The following LPP variants were observed in gnomAD, a reference collection of about 807,000 sequenced individuals.
LPP encodes the protein LIM domain containing preferred translocation partner in lipoma.
In LPP, 38 loss-of-function variants were observed where a neutral mutation model predicts 60.4. The observed-to-expected ratio is 0.63, with a 90% CI of 0.49 to 0.83. The LOEUF (loss-of-function observed/expected upper bound fraction) is 0.83, where lower values mean the gene tolerates loss of function less well. LPP is among the 40% of genes least tolerant of loss of function. The pLI is 0.00. For missense variants in LPP, 902 were observed against 783.6 expected (o/e 1.15, Z -1.80); for synonymous variants, 328 against 290.8 (o/e 1.13, Z -1.30).
chr3:188,765,627 A>G (rs1019948242), intron 9 of LPP, among the ~76,000 whole-genome samples: 1 of 152,194 alleles, frequency 6.6e-6, no homozygotes, highest in Admixed American at 6.5e-5. Flanking sequence ...AAATGACAAA[A>G]CAAAGACTAT....
At chr3:188,314,726 C>G (rs1039347068) in intron 2 of LPP, among the ~76,000 whole-genome samples, 1 of 152,072 alleles carries the variant, frequency 6.6e-6, no homozygotes, top group African/African-American at 2.4e-5. Flanking sequence ...GAGGCTGAGG[C>G]AGGAGGATCG....
At chr3:188,246,499 C>T (rs1226659344) in intron 2 of LPP, among the ~76,000 whole-genome samples, 1 of 152,150 alleles carries the variant, frequency 6.6e-6, no homozygotes, top group South Asian at 2.1e-4. Context: ...TTTCATTTCT[C>T]TTATCTGAAA....
intron 1 of LPP, among the ~76,000 whole-genome samples, chr3:188,192,874 G>C (rs1173906256): frequency 6.6e-6 from 1 of 152,228 alleles, no homozygotes; most frequent in Non-Finnish European, 1.5e-5. Flanking sequence ...GGCGTCGGCA[G>C]TGCTCCGGAA....
chr3:188,355,805 G>T (rs1202058795), intron 3 of LPP, among the ~76,000 whole-genome samples: 3 of 152,154 alleles, frequency 2.0e-5, no homozygotes, highest in Non-Finnish European at 4.4e-5. Flanking sequence ...CTATCAATGT[G>T]TCTCATAATG....
Position 188,589,809 on chromosome 3 carries a change from C to T in LPP, c.430-19352C>T, listed in dbSNP as rs946049274. Among the ~76,000 whole-genome samples, 5 of 152,006 alleles carry T rather than the reference C, an allele frequency of 3.3e-5. No homozygotes were observed. The East Asian group carries it at 9.6e-4, about 29-fold the overall frequency. ...TTATTATTACATTTTTAAAATAAAA[C>T]CTGTAGATTTATTTAAAAAGCATAT... On this transcript the variant is annotated intron_variant, in intron 6 of 11. Coordinates refer to ENST00000617246, the MANE Select transcript of LPP (RefSeq NM_001375462.1).
intron 7 of LPP, among the ~76,000 whole-genome samples, chr3:188,616,887 T>A (rs1344965161): frequency 6.6e-6 from 1 of 152,210 alleles, no homozygotes; most frequent in South Asian, 2.1e-4. Flanking sequence ...TAATCATTTG[T>A]TATTAGCATA....
intron 6 of LPP, among the ~76,000 whole-genome samples, chr3:188,579,680 C>G (rs1374174095): frequency 6.7e-6 from 1 of 148,794 alleles, no homozygotes; most frequent in Non-Finnish European, 1.5e-5. Flanking sequence ...CCCAGTGAGG[C>G]TGGGCACCGT....
intron 9 of LPP, among the ~76,000 whole-genome samples, chr3:188,852,135 G>A (rs1762810871): frequency 1.3e-5 from 2 of 152,192 alleles, no homozygotes; most frequent in South Asian, 4.1e-4. Flanking sequence ...CTGCACTCCA[G>A]TCTGGGGGAC....
intron 7 of LPP, among the ~76,000 whole-genome samples, chr3:188,661,122 G>C (rs1026949863): frequency 1.3e-5 from 2 of 152,156 alleles, no homozygotes; most frequent in African/African-American, 4.8e-5. Flanking sequence ...CCATTTTACT[G>C]AATAATATAC....
At chr3:188,213,365 T>C (rs1016504318) in intron 1 of LPP, among the ~76,000 whole-genome samples, 5 of 152,152 alleles carry the variant, frequency 3.3e-5, no homozygotes, top group African/African-American at 1.2e-4. Context: ...TTTCACAGTG[T>C]GAGATAATGG....
chr3:188,862,328 A>G (rs1392529979), intron 9 of LPP, among the ~76,000 whole-genome samples: 1 of 152,196 alleles, frequency 6.6e-6, no homozygotes, highest in African/African-American at 2.4e-5. Context: ...TAAATCAAGT[A>G]CATTGTGTTC....
chr3:188,471,045 C>A (rs949325927), intron 4 of LPP, among the ~76,000 whole-genome samples: 1 of 152,122 alleles, frequency 6.6e-6, no homozygotes, highest in East Asian at 1.9e-4. Context: ...TCAGAACAGA[C>A]GTTTACCAAG....
chr3:188,438,032 T>C (rs902955631), intron 4 of LPP, among the ~76,000 whole-genome samples: 5 of 152,126 alleles, frequency 3.3e-5, no homozygotes, highest in Admixed American at 6.6e-5. Context: ...AGGCTATTTT[T>C]CTTGGCCACA....
intron 2 of LPP, among the ~76,000 whole-genome samples, chr3:188,335,992 C>A (rs767887630): frequency 6.6e-6 from 1 of 152,114 alleles, no homozygotes; most frequent in Non-Finnish European, 1.5e-5. Flanking sequence ...TCTAAAGCTA[C>A]GTTCAATGTC....
chr3:188,856,745 G>A (rs1578002277), intron 9 of LPP, among the ~76,000 whole-genome samples: 1 of 152,268 alleles, frequency 6.6e-6, no homozygotes, highest in South Asian at 2.1e-4. Flanking sequence ...CTAAATGTTG[G>A]TTAATAGCCT....
intron 8 of LPP, among the ~76,000 whole-genome samples, chr3:188,739,982 G>A (rs1344303339): frequency 2.0e-5 from 3 of 152,038 alleles, no homozygotes; most frequent in African/African-American, 7.2e-5. Flanking sequence ...ATTGTCTTGA[G>A]TTTGTTGATA....
rs550341395 is a variant in LPP, at chr3:188,453,418, G to T, written c.194-31174G>T. 2.0e-5 allele frequency among the ~76,000 whole-genome samples: 3 copies of T among 151,946 alleles called. No individual in the cohort carries two copies. The East Asian group carries it at 5.8e-4, about 29-fold the overall frequency. On this transcript the variant is annotated intron_variant, in intron 4 of 11. Transcript: ENST00000617246. ...CTCAGCTCCTTGTATGATACCGACC[G>T]GATCCTATCCATGGACAATAACAAT...
At chr3:188,503,341 A>T (rs543600583) in intron 5 of LPP, among the ~76,000 whole-genome samples, 2 of 152,306 alleles carry the variant, frequency 1.3e-5, no homozygotes, top group Non-Finnish European at 2.9e-5. Context: ...CTCATTTCTT[A>T]AATTGTAGAA....
intron 4 of LPP, among the ~76,000 whole-genome samples, chr3:188,479,756 A>T (rs1416013743): frequency 2.6e-5 from 4 of 152,138 alleles, no homozygotes; most frequent in Non-Finnish European, 5.9e-5. Flanking sequence ...AAATCCTTGG[A>T]TGTGTGTGTA....
Sources: allele counts gnomAD v4.1 joint callset (sites outside exome capture counted in the v4.1 genomes callset), GRCh38; gene constraint gnomAD v4.1.1; transcripts MANE v1.5; gene names NCBI Gene and HGNC (gene_info 2026-07-23, HGNC 2026-07-21).